SP3: variants seen among roughly 807,000 people sequenced by gnomAD.
SP3 encodes transcription factor Sp3.
A neutral mutation model predicts 70.3 loss-of-function variants in SP3; 10 were observed. The observed-to-expected ratio is 0.14, with a 90% confidence interval of 0.09 to 0.24. SP3 has a LOEUF of 0.24. Ranked by LOEUF, SP3 falls within the 10% of genes least tolerant of loss-of-function variation. SP3 has a pLI of 1.00. For synonymous variants in SP3, 402 were observed against 333.5 expected (o/e 1.21, Z -2.24); for missense variants, 825 against 914.6 (o/e 0.90, Z 1.26).
At chr2:173,923,708 C>T (rs773429958) in intron 4 of SP3, among the ~76,000 whole-genome samples, 2 of 151,812 alleles carry the variant, frequency 1.3e-5, no homozygotes, top group Admixed American at 6.6e-5. Flanking sequence ...CTTTCATATT[C>T]TCTGCCTTCA....
Position 173,955,709 on chromosome 2 carries a change from G to T in SP3, c.803C>A (p.Pro268Gln). 1 of 1,614,128 alleles carries T rather than the reference G, an allele frequency of 6.2e-7. No homozygotes were observed. The highest frequency in any genetic ancestry group is 8.5e-7 in the Non-Finnish European group (1 of 1,180,014). The change falls in exon 4 of 7, where the codon CCA becomes CAA. Residue 268 changes from proline to glutamine, a missense_variant. By Grantham distance (76) the Pro-to-Gln change is moderately conservative (BLOSUM62 -1). Coordinates refer to ENST00000310015, the MANE Select transcript of SP3 (RefSeq NM_003111.5). Reference protein sequence around the residue: ...LGLPGNITFVPINSVDLDSLG... With the variant: ...LGLPGNITFVQINSVDLDSLG... ...AGAATCTAGATCGACACTATTGATTGGTACAAACGTAATATTTCCTGGCAG... is the reference window on the plus strand; with the variant it reads ...AGAATCTAGATCGACACTATTGATTTGTACAAACGTAATATTTCCTGGCAG...
At chr2:173,962,328 T>C (rs1239164591) in intron 3 of SP3, among the ~76,000 whole-genome samples, 1 of 152,178 alleles carries the variant, frequency 6.6e-6, no homozygotes, top group Non-Finnish European at 1.5e-5. Context: ...ACAAAAAAGA[T>C]CAGGAGAAGC....
chr2:173,931,870 G>C (rs1690076885), intron 4 of SP3, among the ~76,000 whole-genome samples: 1 of 152,168 alleles, frequency 6.6e-6, no homozygotes, highest in Admixed American at 6.5e-5. Flanking sequence ...CTCTGGATTA[G>C]GCTTTGGTTT....
At position 173,904,279 on chromosome 2, in the gene SP3, G is replaced by C. The variant is rs1689252949; in HGVS notation, c.*5662C>G. On this transcript the variant is annotated 3_prime_UTR_variant, in exon 7 of 7. Transcript: ENST00000310015. ...ACAGACCAGGGACCAGTACCGGTCT[G>C]TGGCCCAGGGGTTGGGGACCCTTTT... 6.6e-6 allele frequency among the ~76,000 whole-genome samples: 1 copy of C among 152,170 alleles called. No individual in the cohort carries two copies. Among genetic ancestry groups the C allele is most frequent in the African/African-American group, 2.4e-5 (1 of 41,444 alleles).
intron 4 of SP3, among the ~76,000 whole-genome samples, chr2:173,951,842 A>T (rs1690719273): frequency 6.6e-6 from 1 of 152,188 alleles, no homozygotes; most frequent in South Asian, 2.1e-4. Context: ...TAATATAATG[A>T]GTTGGTCATC....
intron 4 of SP3, among the ~76,000 whole-genome samples, chr2:173,938,459 CAAAAAAA>C (rs747595137): frequency 1.9e-3 from 89 of 46,386 alleles, no homozygotes; most frequent in African/African-American, 5.4e-3. Context: ...AACTTTGCCT[CAAAAAAA>C]AAAAAAAAAA....
At chr2:173,942,687 TAATA>T (rs1690407553) in intron 4 of SP3, among the ~76,000 whole-genome samples, 1 of 152,182 alleles carries the variant, frequency 6.6e-6, no homozygotes, top group South Asian at 2.1e-4. Flanking sequence ...CTTGTAGATC[TAATA>T]GTCATTTCAG....
chr2:173,916,107 C>A (rs996591919), intron 5 of SP3: 1 of 152,040 alleles, frequency 6.6e-6, no homozygotes, highest in Non-Finnish European at 1.5e-5. Flanking sequence ...GTCATTTATA[C>A]AAGTGTGTCT....
chr2:173,958,629 G>C (rs1690968263), intron 3 of SP3, among the ~76,000 whole-genome samples: 1 of 148,560 alleles, frequency 6.7e-6, no homozygotes, highest in African/African-American at 2.5e-5. Flanking sequence ...AATCAAGCAA[G>C]AAAAGGAACT....
rs1013670064 is a variant in SP3 at position 173,901,052 on chromosome 2, T to G, written c.*8889A>C. On this transcript the variant is annotated 3_prime_UTR_variant, in exon 7 of 7. Transcript: ENST00000310015. ...AGACTTCCTTACCGGATGTCAAGAATTTAGGATAAATAACAGAGAGGGCAT... is the reference window on the plus strand; with the variant it reads ...AGACTTCCTTACCGGATGTCAAGAAGTTAGGATAAATAACAGAGAGGGCAT... Among the ~76,000 whole-genome samples, 1 of 152,154 alleles carries G rather than the reference T, an allele frequency of 6.6e-6. No homozygotes were observed. The highest frequency in any genetic ancestry group is 1.5e-5 in the Non-Finnish European group (1 of 68,024).
At chr2:173,939,947 A>G (rs1386555925) in intron 4 of SP3, among the ~76,000 whole-genome samples, 1 of 152,042 alleles carries the variant, frequency 6.6e-6, no homozygotes, top group African/African-American at 2.4e-5. Flanking sequence ...ATCATAACTC[A>G]CTGTAGGCTT....
intron 1 of SP3, chr2:173,964,940 C>T (rs2105511617): frequency 1.8e-6 from 1 of 570,566 alleles, no homozygotes; most frequent in Admixed American, 4.2e-5. Flanking sequence ...GACCGGGCCG[C>T]CCGCCCCGGG....
At position 173,908,934 on chromosome 2, in the gene SP3, AT is replaced by A. The variant is rs1241235641; in HGVS notation, c.*1006del. 1.3e-4 allele frequency: 20 copies of A among 152,432 alleles called. No homozygotes were observed. In the South Asian group the frequency reaches 1.7e-3, roughly 13 times the overall value. The allele number at this position is 152,432 out of a possible 1,614,324, so 9.4% of individuals were successfully genotyped here. A position where few individuals can be genotyped will look rare whatever the true frequency, so the allele number is the denominator to read the frequency against. On this transcript the variant is annotated 3_prime_UTR_variant, in exon 7 of 7. Transcript: ENST00000310015. ...ACAAAAAAAAAAAAGACTTAAAAAA[AT>A]ATCATAAAACCTCTAGTTCTTCTAT...
At chr2:173,937,569 GA>G (rs569523228) in intron 4 of SP3, among the ~76,000 whole-genome samples, 8 of 151,538 alleles carry the variant, frequency 5.3e-5, no homozygotes, top group East Asian at 1.9e-4. Context: ...TAAATTTCTT[GA>G]AAAAAAATTT....
At position 173,906,652 on chromosome 2, in the gene SP3, CACAAT is replaced by C. The variant is rs1272146506; in HGVS notation, c.*3284_*3288del. The C allele has an allele frequency of 1.3e-5, 2 of 152,270 alleles. No individual in the cohort carries two copies. The highest frequency in any genetic ancestry group is 3.9e-4 in the East Asian group (2 of 5,190). The allele number at this position is 152,270 out of a possible 1,614,324, so 9.4% of individuals were successfully genotyped here. A position where few individuals can be genotyped will look rare whatever the true frequency, so the allele number is the denominator to read the frequency against. ...ACCCCAAATTTCAAACAATATTGAA[CACAAT>C]ACAAATTTTTCATAAAACAAAACTT... On this transcript the variant is annotated 3_prime_UTR_variant, in exon 7 of 7. Coordinates refer to ENST00000310015, the MANE Select transcript of SP3 (RefSeq NM_003111.5).
chr2:173,952,470 A>G (rs1205657862), intron 4 of SP3, among the ~76,000 whole-genome samples: 22 of 152,210 alleles, frequency 1.4e-4, no homozygotes, highest in Admixed American at 1.4e-3. Context: ...GGGACTCTCA[A>G]CACATTGCTG....
At chr2:173,927,781 T>C (rs1348377926) in intron 4 of SP3, among the ~76,000 whole-genome samples, 1 of 152,192 alleles carries the variant, frequency 6.6e-6, no homozygotes, top group Non-Finnish European at 1.5e-5. Flanking sequence ...CTTCTAAAAT[T>C]CAAAACCTTC....
At position 173,906,017 on chromosome 2, in the gene SP3, A is replaced by G. The variant is rs1370149876; in HGVS notation, c.*3924T>C. ...AATATAGGGAAAAAACAAACAATAA[A>G]CCCTGGACTAGAATGAATTTTTCTG... On this transcript the variant is annotated 3_prime_UTR_variant, in exon 7 of 7. Coordinates refer to ENST00000310015, the MANE Select transcript of SP3 (RefSeq NM_003111.5). Among the ~76,000 whole-genome samples the G allele has an allele frequency of 1.3e-5, 2 of 152,008 alleles. No homozygotes were observed. The highest frequency in any genetic ancestry group is 4.8e-5 in the African/African-American group (2 of 41,374).
intron 3 of SP3, among the ~76,000 whole-genome samples, chr2:173,958,565 G>C (rs960444941): frequency 2.7e-5 from 4 of 145,464 alleles, no homozygotes; most frequent in Admixed American, 6.9e-5. Flanking sequence ...AAATACCTGT[G>C]AAGCACAACG....
Sources: gnomAD v4.1 joint callset for allele counts (sites outside exome capture counted in the v4.1 genomes callset) on GRCh38, gnomAD v4.1.1 for gene constraint, MANE v1.5 for transcripts, NCBI Gene and HGNC (gene_info 2026-07-23, HGNC 2026-07-21) for gene names.